PCM1: variants seen among roughly 807,000 people sequenced by gnomAD.
The protein encoded by PCM1 is pericentriolar material 1 protein.
PCM1 carries 157 observed loss-of-function variants against 241.9 expected under a neutral mutation model. The observed-to-expected ratio is 0.65, with a 90% CI of 0.57 to 0.74. PCM1 has a LOEUF of 0.74. Among genes scored for constraint, PCM1 ranks in the 30% least tolerant of loss-of-function variants. The pLI, the probability that PCM1 is intolerant of heterozygous loss-of-function variation, is 0.00. For synonymous variants in PCM1, 1,085 were observed against 784.9 expected (o/e 1.38, Z -6.39); for missense variants, 3,478 against 2,360.1 (o/e 1.47, Z -9.81).
At position 17,956,628 on chromosome 8, in the gene PCM1, A is replaced by T; in HGVS notation, c.1497A>T (p.Arg499Ser). 1 of 1,597,224 alleles carries T rather than the reference A, an allele frequency of 6.3e-7. No individual in the cohort carries two copies. Among genetic ancestry groups the T allele is most frequent in the Non-Finnish European group, 8.5e-7 (1 of 1,170,452 alleles). Residue 499 changes from arginine to serine, a missense_variant, in exon 11 of 39, where the codon AGA becomes AGT. Coordinates refer to ENST00000325083, the MANE Select transcript of PCM1 (RefSeq NM_006197.4). ...KLQKLNEVRK[R>S]LNELRELVHY... is the part of the protein sequence containing the mutation. The stretch of plus-strand genomic sequence containing the variant: ...GGAAGTTAAATGAAGTTCGAAAGAG[A>T]TTGAATGAGCTAAGAGAATTAGTTC...
chr8:17,929,160 C>A (rs922386813), intron 2 of PCM1, among the ~76,000 whole-genome samples: 5 of 152,084 alleles, frequency 3.3e-5, no homozygotes, highest in African/African-American at 2.4e-5. Context: ...CAACAGTAAC[C>A]TTGTTGCTAA....
At chr8:17,939,149 G>C (rs1373814147) in intron 5 of PCM1, 140 bp downstream of exon 5, 3 of 712,526 alleles carry the variant, frequency 4.2e-6, no homozygotes, top group Non-Finnish European at 6.8e-6. Context: ...TTGTTAATCT[G>C]CCAGATTTAC....
At position 17,952,955 on chromosome 8, in the gene PCM1, T is replaced by C. The variant is rs6586674; in HGVS notation, c.1072-15T>C. 16,706 of 1,435,680 alleles carry C rather than the reference T, an allele frequency of 0.012. 1,575 individuals are homozygous for C. The African/African-American group carries it at 0.21, about 18-fold the overall frequency. 88.9% of individuals were successfully genotyped at this position (1,435,680 alleles called of 1,614,324 possible). On this transcript the variant is annotated splice_polypyrimidine_tract_variant and intron_variant, in intron 8 of 38. Coordinates refer to ENST00000325083, the MANE Select transcript of PCM1 (RefSeq NM_006197.4). ...TAGTCTTAATTCTTCTTTTTTGTTGTTTTTTTTTAATAAGCCTCCAGCTGT... is the reference window on the plus strand; with the variant it reads ...TAGTCTTAATTCTTCTTTTTTGTTGCTTTTTTTTAATAAGCCTCCAGCTGT...
At chr8:17,987,762 T>G (rs888774976) in intron 26 of PCM1, among the ~76,000 whole-genome samples, 1 of 151,884 alleles carries the variant, frequency 6.6e-6, no homozygotes, top group Non-Finnish European at 1.5e-5. Context: ...AGTAGAACTT[T>G]CTATAGTGAT....
At chr8:17,939,147 C>G in intron 5 of PCM1, 138 bp downstream of exon 5, 1 of 725,192 alleles carries the variant, frequency 1.4e-6, no homozygotes, top group Non-Finnish European at 2.2e-6. Context: ...CTTTGTTAAT[C>G]TGCCAGATTT....
intron 19 of PCM1, 32 bp downstream of exon 19, chr8:17,966,250 C>G (rs1390134211): frequency 6.2e-7 from 1 of 1,607,996 alleles, no homozygotes; most frequent in Non-Finnish European, 8.5e-7. Context: ...TATTTTTCGT[C>G]TATTTTTATA....
intron 24 of PCM1, among the ~76,000 whole-genome samples, chr8:17,981,677 T>G (rs1053965240): frequency 6.6e-6 from 1 of 152,202 alleles, no homozygotes; most frequent in African/African-American, 2.4e-5. Context: ...GCTCCATTAT[T>G]TTCAAATTAC....
In PCM1 at chr8:18,009,692, G is replaced by A. The variant is rs773678434; in HGVS notation, c.5108G>A (p.Arg1703Lys). 2.0e-6 allele frequency: 3 copies of A among 1,518,234 alleles called. No individual in the cohort carries two copies. The highest frequency in any genetic ancestry group is 2.8e-5 in the South Asian group (2 of 72,196). 94.0% of individuals were successfully genotyped at this position (1,518,234 alleles called of 1,614,324 possible). Residue 1703 changes from arginine to lysine, a missense_variant, in exon 31 of 39, where the codon AGA becomes AAA. Physicochemically the swap from Arg to Lys is conservative, Grantham distance 26. Transcript: ENST00000325083. Reference sequence around the variant, plus strand: ...AATAATAGTATAACTGTTAAACAGAGATGCAAAAGGAAAATAGAAGCAACT... The same window carrying A: ...AATAATAGTATAACTGTTAAACAGAAATGCAAAAGGAAAATAGAAGCAACT... Reference protein sequence around the residue: ...LDNNSITVKQRCKRKIEATGV... With the variant: ...LDNNSITVKQKCKRKIEATGV...
chr8:17,929,400 C>G (rs192337642), intron 2 of PCM1, among the ~76,000 whole-genome samples: 1 of 152,234 alleles, frequency 6.6e-6, no homozygotes, highest in African/African-American at 2.4e-5. Flanking sequence ...TCCCTGAGTC[C>G]TCTGTCCCAC....
chr8:17,940,053 T>TGAG (rs751114322), intron 6 of PCM1, 192 bp downstream of exon 6: 3 of 1,570,448 alleles, frequency 1.9e-6, no homozygotes, highest in Non-Finnish European at 2.6e-6. Flanking sequence ...CTAGAGAAAA[T>TGAG]GAGGAGGAGG....
At chr8:17,936,637 T>A (rs1348490571) in intron 3 of PCM1, among the ~76,000 whole-genome samples, 1 of 152,138 alleles carries the variant, frequency 6.6e-6, no homozygotes, top group East Asian at 1.9e-4. Flanking sequence ...TTTTAGAGAT[T>A]AGGAAACTGA....
intron 36 of PCM1, among the ~76,000 whole-genome samples, chr8:18,023,794 C>T (rs532245308): frequency 6.6e-6 from 1 of 152,352 alleles, no homozygotes; most frequent in South Asian, 2.1e-4. Context: ...AGCAGCCACT[C>T]ACACGTCAGA....
At chr8:17,937,658 T>A (rs2060799399) in intron 4 of PCM1, among the ~76,000 whole-genome samples, 2 of 152,144 alleles carry the variant, frequency 1.3e-5, no homozygotes, top group South Asian at 4.1e-4. Context: ...AATTTTGCAT[T>A]TTGGTAACTG....
chr8:18,004,032 A>G (rs1219484221), intron 29 of PCM1, among the ~76,000 whole-genome samples: 1 of 150,738 alleles, frequency 6.6e-6, no homozygotes, highest in Non-Finnish European at 1.5e-5. Context: ...TGATATGTAC[A>G]GTTACTTTAT....
At chr8:18,027,432 C>T (rs1181738036) in intron 38 of PCM1, among the ~76,000 whole-genome samples, 2 of 152,214 alleles carry the variant, frequency 1.3e-5, no homozygotes, top group East Asian at 3.8e-4. Context: ...CACGAAGTAT[C>T]TGCTCAGTCT....
chr8:17,984,780 A>T (rs2082068516), intron 24 of PCM1, among the ~76,000 whole-genome samples: 3 of 151,974 alleles, frequency 2.0e-5, no homozygotes, highest in Admixed American at 2.0e-4. Context: ...GTAGCTAAAT[A>T]ATAGAGTGAT....
intron 16 of PCM1, 26 bp downstream of exon 16, chr8:17,962,200 C>G (rs754540273): frequency 1.9e-6 from 3 of 1,572,448 alleles, no homozygotes; most frequent in Admixed American, 3.7e-5. Context: ...CTCTCTTGTT[C>G]CTGAGTTAGT....
chr8:17,997,845 T>A (rs1211428152), intron 29 of PCM1, among the ~76,000 whole-genome samples: 1 of 146,650 alleles, frequency 6.8e-6, no homozygotes, highest in Non-Finnish European at 1.5e-5. Context: ...GCCAACACGG[T>A]GAAACCCCGC....
At chr8:18,006,619 C>G (rs1482249130) in intron 30 of PCM1, among the ~76,000 whole-genome samples, 2 of 152,144 alleles carry the variant, frequency 1.3e-5, no homozygotes, top group African/African-American at 4.8e-5. Context: ...TTGGTCATCT[C>G]TAAGGCATGT....
Sources: allele counts gnomAD v4.1 joint callset (sites outside exome capture counted in the v4.1 genomes callset), GRCh38; gene constraint gnomAD v4.1.1; transcripts MANE v1.5; gene names NCBI Gene and HGNC (gene_info 2026-07-23, HGNC 2026-07-21).